The following TMEM51 variants were observed in gnomAD, a reference collection of about 807,000 sequenced individuals.
The protein encoded by TMEM51 is chromosome 1 open reading frame 72.
Under a neutral mutation model 13.6 loss-of-function variants are expected in TMEM51, and 8 were observed. The ratio of observed to expected loss-of-function variants is 0.59; its 90% CI spans 0.35 to 1.07. TMEM51 has a LOEUF of 1.07. Ranked by LOEUF, TMEM51 falls within the 50% of genes least tolerant of loss-of-function variation. TMEM51 has a pLI of 0.02. For missense variants in TMEM51, 279 were observed against 330.7 expected, an observed-to-expected ratio of 0.84 and a Z score of 1.21; for synonymous variants, 147 against 144.4, an observed-to-expected ratio of 1.02 and a Z score of -0.13.
intron 1 of TMEM51, among the ~76,000 whole-genome samples, chr1:15,183,297 C>T (rs969187013): frequency 6.6e-6 from 1 of 152,166 alleles, no homozygotes; most frequent in African/African-American, 2.4e-5. Context: ...GTTATGCATC[C>T]GTCATGTGCG....
At chr1:15,178,139 C>T (rs1387032365) in intron 1 of TMEM51, among the ~76,000 whole-genome samples, 1 of 56,624 alleles carries the variant, frequency 1.8e-5, no homozygotes, top group Non-Finnish European at 4.2e-5. Context: ...ACATGAGGTC[C>T]TTGTGGCTGG....
intron 1 of TMEM51, among the ~76,000 whole-genome samples, chr1:15,156,812 A>T (rs901553956): frequency 5.9e-5 from 9 of 152,208 alleles, no homozygotes; most frequent in African/African-American, 2.2e-4. Context: ...ACTGGAACCC[A>T]GCCCTCCTGA....
At chr1:15,157,934 C>T (rs893642620) in intron 1 of TMEM51, among the ~76,000 whole-genome samples, 2 of 152,092 alleles carry the variant, frequency 1.3e-5, no homozygotes, top group Admixed American at 6.5e-5. Flanking sequence ...GTTTGCTGAG[C>T]TGTTTCATGT....
At chr1:15,158,314 G>A (rs931812158) in intron 1 of TMEM51, among the ~76,000 whole-genome samples, 2 of 152,176 alleles carry the variant, frequency 1.3e-5, no homozygotes, top group Non-Finnish European at 2.9e-5. Flanking sequence ...GCATCACCAT[G>A]GGGTTTGGGA....
At chr1:15,185,826 G>C (rs1293451384) in intron 1 of TMEM51, among the ~76,000 whole-genome samples, 1 of 152,220 alleles carries the variant, frequency 6.6e-6, no homozygotes, top group Non-Finnish European at 1.5e-5. Context: ...GCAGAGGTCA[G>C]TTTTGAGTTC....
rs899382069 is a variant in TMEM51, at chr1:15,161,858, G to A, written c.-267+7904G>A. Among the ~76,000 whole-genome samples, 1 of 151,368 alleles carries A rather than the reference G, an allele frequency of 6.6e-6. No homozygotes were observed. Among genetic ancestry groups the A allele is most frequent in the African/African-American group, 2.4e-5 (1 of 41,148 alleles). On this transcript the variant is annotated intron_variant, in intron 1 of 3. Coordinates refer to ENST00000376008, the MANE Select transcript of TMEM51 (RefSeq NM_001136218.2). This position sits in a 1 kb window ranked among gnomAD's most constrained non-coding sequence, Gnocchi z 4.0. Reference sequence around the variant, plus strand: ...GCAGAAGAATGGCTTGAACCCGGGAGGCGGAGGTTGCAGTGAGCCGAGATG... The same window carrying A: ...GCAGAAGAATGGCTTGAACCCGGGAAGCGGAGGTTGCAGTGAGCCGAGATG...
At chr1:15,179,204 A>G (rs1643538972) in intron 1 of TMEM51, among the ~76,000 whole-genome samples, 1 of 152,126 alleles carries the variant, frequency 6.6e-6, no homozygotes, top group Non-Finnish European at 1.5e-5. Context: ...TGACCCAGCA[A>G]TTGCACTTCT....
intron 1 of TMEM51, among the ~76,000 whole-genome samples, chr1:15,173,308 C>G (rs1255680149): frequency 6.6e-6 from 1 of 151,488 alleles, no homozygotes; most frequent in Non-Finnish European, 1.5e-5. Context: ...CAACCTCTGC[C>G]TCCCAGGTTC....
chr1:15,197,073 C>G (rs1013948402), intron 1 of TMEM51, among the ~76,000 whole-genome samples: 1 of 152,228 alleles, frequency 6.6e-6, no homozygotes, highest in Non-Finnish European at 1.5e-5. Context: ...CATTCCCAGG[C>G]AGGCTTTCTC....
rs534055119 is a variant in TMEM51, at chr1:15,199,258, G to A, written c.-266-11232G>A. 8.6e-5 allele frequency among the ~76,000 whole-genome samples: 13 copies of A among 151,786 alleles called. No individual in the cohort carries two copies. In the East Asian group the frequency reaches 2.5e-3, roughly 30 times the overall value. On this transcript the variant is annotated intron_variant, in intron 1 of 3. Transcript: ENST00000376008. The stretch of plus-strand genomic sequence containing the variant: ...AGCAATTCTCCTGCCTCAGCCTCCC[G>A]AGTAGCTGGGATTACAGGCGCACGC...
At chr1:15,155,788 G>A (rs1426682375) in intron 1 of TMEM51, among the ~76,000 whole-genome samples, 1 of 146,188 alleles carries the variant, frequency 6.8e-6, no homozygotes, top group Non-Finnish European at 1.5e-5. Context: ...ACATATGTTG[G>A]CCGAGCACCT....
chr1:15,199,998 G>A (rs1644123908), intron 1 of TMEM51, among the ~76,000 whole-genome samples: 1 of 151,778 alleles, frequency 6.6e-6, no homozygotes, highest in South Asian at 2.1e-4. Flanking sequence ...TTACCCAGTG[G>A]GAAAGAGGGC....
chr1:15,186,075 C>G (rs1573410320), intron 1 of TMEM51, among the ~76,000 whole-genome samples: 1 of 152,182 alleles, frequency 6.6e-6, no homozygotes, highest in African/African-American at 2.4e-5. Context: ...AGGGACCCTG[C>G]CCCCTCCTCC....
intron 1 of TMEM51, among the ~76,000 whole-genome samples, chr1:15,189,545 A>T (rs562193582): frequency 6.6e-6 from 1 of 152,272 alleles, no homozygotes; most frequent in South Asian, 2.1e-4. Flanking sequence ...TGATGCTGGC[A>T]TAGCTCCTGG....
chr1:15,217,148 T>A (rs12057289), intron 3 of TMEM51, among the ~76,000 whole-genome samples: 1 of 152,018 alleles, frequency 6.6e-6, no homozygotes, highest in African/African-American at 2.4e-5. Flanking sequence ...AACTCAAAAT[T>A]GAGCTGCCAA....
intron 1 of TMEM51, among the ~76,000 whole-genome samples, chr1:15,187,485 A>G (rs972216120): frequency 6.6e-6 from 1 of 152,192 alleles, no homozygotes; most frequent in Admixed American, 6.5e-5. Flanking sequence ...TCCTAGTACC[A>G]TGCCCGGCCC....
intron 1 of TMEM51, among the ~76,000 whole-genome samples, chr1:15,179,258 A>G (rs1002548158): frequency 6.6e-6 from 1 of 152,174 alleles, no homozygotes; most frequent in African/African-American, 2.4e-5. Flanking sequence ...TTTTTCACAC[A>G]GGCTGGTACA....
In TMEM51 at chr1:15,207,377, A is replaced by G. The variant is rs964951021; in HGVS notation, c.-266-3113A>G. On this transcript the variant is annotated intron_variant, in intron 1 of 3. Transcript: ENST00000376008. The surrounding 1 kb of genome is among the most constrained non-coding windows in gnomAD (Gnocchi z 4.6). Reference sequence around the variant, plus strand: ...AACTGTGTCCTGGAGAGTTTCTGCAATTCAGCGAGAAGAGGCAGCGGAAGG... The same window carrying G: ...AACTGTGTCCTGGAGAGTTTCTGCAGTTCAGCGAGAAGAGGCAGCGGAAGG... Among the ~76,000 whole-genome samples, 3 of 152,228 alleles carry G rather than the reference A, an allele frequency of 2.0e-5. No individual in the cohort carries two copies. Among genetic ancestry groups the G allele is most frequent in the African/African-American group, 7.2e-5 (3 of 41,454 alleles).
At chr1:15,155,242 GT>G (rs34113218) in intron 1 of TMEM51, among the ~76,000 whole-genome samples, 25,824 of 152,162 alleles carry the variant, frequency 0.17, 2,269 homozygotes, top group East Asian at 0.31. Context: ...CTCTGATGGG[GT>G]GTCTGGGGCC....
Sources: allele counts gnomAD v4.1 joint callset (sites outside exome capture counted in the v4.1 genomes callset), GRCh38; gene constraint gnomAD v4.1.1; non-coding constraint Gnocchi (gnomAD v3.1); transcripts MANE v1.5; gene names NCBI Gene and HGNC (gene_info 2026-07-23, HGNC 2026-07-21).